Variants in ZNF469 observed in about 807,000 individuals in gnomAD.
ZNF469 encodes zinc finger protein 469.
In ZNF469, 1 loss-of-function variant was observed where a neutral mutation model predicts 1.0. The observed-to-expected ratio is 1.00, with a 90% confidence interval of 0.35 to 4.73. The LOEUF (loss-of-function observed/expected upper bound fraction) is 4.73. Among genes scored for constraint, ZNF469 ranks in the 30% most tolerant of loss-of-function variants. The pLI is 0.16. For missense variants in ZNF469, 6,100 were observed against 5,356.3 expected (o/e 1.14, Z -4.33); for synonymous variants, 2,703 against 2,363.4 (o/e 1.14, Z -4.17).
the ZNF469 span, among the ~76,000 whole-genome samples, chr16:88,334,907 C>T: frequency 6.7e-6 from 1 of 149,484 alleles, no homozygotes; most frequent in East Asian, 2.0e-4. Flanking sequence ...ACATGTGTGA[C>T]AGAGATGGAT....
At chr16:88,364,903 T>C in the ZNF469 span, among the ~76,000 whole-genome samples, 8 of 152,256 alleles carry the variant, frequency 5.3e-5, no homozygotes, top group East Asian at 1.5e-3. Context: ...GGGCGGGGGT[T>C]ACAGCAAGCC....
intron 1 of ZNF469, among the ~76,000 whole-genome samples, chr16:88,397,653 AAGAGATAG>A (rs771498928): frequency 1.3e-5 from 1 of 78,642 alleles, no homozygotes; most frequent in African/African-American, 5.3e-5. Flanking sequence ...GGATATAAAT[AAGAGATAG>A]ATAGATAGAT....
At chr16:88,205,636 C>T in the ZNF469 span, among the ~76,000 whole-genome samples, 7 of 152,128 alleles carry the variant, frequency 4.6e-5, no homozygotes, top group African/African-American at 1.7e-4. This position sits in a 1 kb window ranked among gnomAD's most constrained non-coding sequence, Gnocchi z 4.2. Context: ...GCTCGTCCGG[C>T]GGTAACAGCA....
the ZNF469 span, among the ~76,000 whole-genome samples, chr16:88,317,674 G>A: frequency 6.6e-6 from 1 of 152,208 alleles, no homozygotes; most frequent in African/African-American, 2.4e-5. Flanking sequence ...TCCTCACTCT[G>A]GCTTCCAGCC....
the ZNF469 span, among the ~76,000 whole-genome samples, chr16:88,299,645 G>T: frequency 1.3e-5 from 2 of 152,192 alleles, no homozygotes; most frequent in South Asian, 2.1e-4. Flanking sequence ...TGGGGGTCAG[G>T]TCGCTGTGAT....
At chr16:88,367,479 C>T in the ZNF469 span, among the ~76,000 whole-genome samples, 2 of 152,254 alleles carry the variant, frequency 1.3e-5, no homozygotes, top group Non-Finnish European at 2.9e-5. Flanking sequence ...CACCTTTTCC[C>T]AGGGCATGGG....
chr16:88,277,283 C>T, the ZNF469 span, among the ~76,000 whole-genome samples: 4 of 151,862 alleles, frequency 2.6e-5, no homozygotes, highest in East Asian at 1.9e-4. Context: ...TGCTGCGCCA[C>T]GCCGACGCTC....
chr16:88,276,811 G>C, the ZNF469 span, among the ~76,000 whole-genome samples: 19 of 152,160 alleles, frequency 1.2e-4, no homozygotes, highest in Admixed American at 1.2e-3. Flanking sequence ...TATCATTAGT[G>C]CTGCGCCACG....
At chr16:88,342,523 G>C in the ZNF469 span, among the ~76,000 whole-genome samples, 1 of 152,136 alleles carries the variant, frequency 6.6e-6, no homozygotes, top group Non-Finnish European at 1.5e-5. Flanking sequence ...GGGGCCCACT[G>C]CCCTGCACTC....
At chr16:88,185,678 G>A in the ZNF469 span, among the ~76,000 whole-genome samples, 1 of 145,344 alleles carries the variant, frequency 6.9e-6, no homozygotes, top group African/African-American at 2.6e-5. Flanking sequence ...CATGTGCCCA[G>A]ACCCACAGAC....
rs1414954123 is a variant in ZNF469 at position 88,428,739 on chromosome 16, G to A, written c.1269G>A (p.Pro423=). ...ASGVDTSPGP[P]DTELAAPGPP... ...GGGTGGACACCAGCCCGGGGCCTCCGGACACCGAGCTGGCCGCCCCAGGGC... is the reference window on the plus strand; with the variant it reads ...GGGTGGACACCAGCCCGGGGCCTCCAGACACCGAGCTGGCCGCCCCAGGGC... The change falls in exon 3 of 3, where the codon CCG becomes CCA. Residue 423 remains proline (P), a synonymous_variant. Transcript: ENST00000565624. The A allele has an allele frequency of 1.3e-5, 20 of 1,546,968 alleles. No individual in the cohort carries two copies. The highest frequency in any genetic ancestry group is 9.6e-5 in the African/African-American group (7 of 73,074).
At chr16:88,358,108 C>G in the ZNF469 span, among the ~76,000 whole-genome samples, 1 of 152,226 alleles carries the variant, frequency 6.6e-6, no homozygotes, top group Non-Finnish European at 1.5e-5. Flanking sequence ...TCAGTGTGGG[C>G]TGCTTGAGGT....
rs1367488672 is a variant in ZNF469 at position 88,427,796 on chromosome 16, C to T, written c.326C>T (p.Ala109Val). 1.9e-6 allele frequency: 3 copies of T among 1,547,396 alleles called. No homozygotes were observed. The highest frequency in any genetic ancestry group is 2.4e-5 in the East Asian group (1 of 40,900). ...RSPLQAPSRL[A>V]GRAEGSPPQR... ...CCCTTGCAGGCTCCCTCAAGGCTGG[C>T]GGGCAGGGCAGAGGGCAGCCCCCCA... The change falls in exon 3 of 3, where the codon GCG becomes GTG. Residue 109 changes from alanine (A) to valine (V), a missense_variant. Ala to Val is a moderately conservative substitution (Grantham distance 64, BLOSUM62 0). Coordinates refer to ENST00000565624, the MANE Select transcript of ZNF469 (RefSeq NM_001367624.2).
chr16:88,365,473 A>C, the ZNF469 span, among the ~76,000 whole-genome samples: 1 of 152,242 alleles, frequency 6.6e-6, no homozygotes, highest in East Asian at 1.9e-4. Context: ...CTGCTGCTGG[A>C]CCAGGAGGTG....
chr16:88,353,535 T>C, the ZNF469 span, among the ~76,000 whole-genome samples: 1 of 152,114 alleles, frequency 6.6e-6, no homozygotes. Context: ...CGCCAGCCTC[T>C]CGCGGCTCAC....
the ZNF469 span, among the ~76,000 whole-genome samples, chr16:88,248,107 A>G: frequency 2.0e-5 from 3 of 152,106 alleles, no homozygotes. Flanking sequence ...AGAGCCAGAG[A>G]ACCAGTCTCT....
At chr16:88,217,133 CAT>C in the ZNF469 span, among the ~76,000 whole-genome samples, 1 of 148,212 alleles carries the variant, frequency 6.7e-6, no homozygotes, top group East Asian at 2.0e-4. Context: ...TTGGTCATGA[CAT>C]GTGATTTTTG....
chr16:88,260,478 T>C, the ZNF469 span, among the ~76,000 whole-genome samples: 5 of 152,208 alleles, frequency 3.3e-5, no homozygotes, highest in Admixed American at 6.5e-5. This position sits in a 1 kb window ranked among gnomAD's most constrained non-coding sequence, Gnocchi z 4.1. Flanking sequence ...TGGTAGGTGC[T>C]GGTCTGGGTG....
At chr16:88,368,637 G>A in the ZNF469 span, among the ~76,000 whole-genome samples, 1 of 151,962 alleles carries the variant, frequency 6.6e-6, no homozygotes, top group Non-Finnish European at 1.5e-5. Flanking sequence ...GGTGTGGCTG[G>A]GAGGACATAG....
Sources: allele counts gnomAD v4.1 joint callset (sites outside exome capture counted in the v4.1 genomes callset), GRCh38; gene constraint gnomAD v4.1.1; non-coding constraint Gnocchi (gnomAD v3.1); transcripts MANE v1.5; gene names NCBI Gene and HGNC (gene_info 2026-07-23, HGNC 2026-07-21).